ASAP1: variants seen among roughly 807,000 people sequenced by gnomAD.
ASAP1 encodes the protein ArfGAP with SH3 domain, ankyrin repeat and PH domain 1, also known as arf-GAP with SH3 domain, ANK repeat and PH domain-containing protein 1.
In ASAP1, 43 loss-of-function variants were observed where a neutral mutation model predicts 145.2. That is an observed-to-expected ratio of 0.30 (90% CI 0.23 to 0.38). The LOEUF (loss-of-function observed/expected upper bound fraction) is 0.38, where lower values mean the gene tolerates loss of function less well. Ranked by LOEUF, ASAP1 falls within the 10% of genes least tolerant of loss-of-function variation. The pLI is 1.00. For synonymous variants in ASAP1, 546 were observed against 515.5 expected, an observed-to-expected ratio of 1.06 and a Z score of -0.80; for missense variants, 1,018 against 1,355.3, an observed-to-expected ratio of 0.75 and a Z score of 3.91.
chr8:130,099,345 AT>A (rs557493667), intron 24 of ASAP1, among the ~76,000 whole-genome samples: 1 of 151,250 alleles, frequency 6.6e-6, no homozygotes, highest in Non-Finnish European at 1.5e-5. Flanking sequence ...CGCCTGGCTA[AT>A]TTTTTTTGTA....
chr8:130,361,847 C>T (rs751628958), intron 2 of ASAP1: 13 of 1,020,396 alleles, frequency 1.3e-5, no homozygotes, highest in Non-Finnish European at 1.8e-5. Flanking sequence ...CCGAAATATA[C>T]ACCATCCTCC....
intron 5 of ASAP1, among the ~76,000 whole-genome samples, chr8:130,196,080 G>T (rs1815465629): frequency 6.6e-6 from 1 of 152,172 alleles, no homozygotes; most frequent in Admixed American, 6.5e-5. Context: ...AGTGGCTCAC[G>T]CCTGTAATCC....
At chr8:130,302,413 G>A (rs764811929) in intron 3 of ASAP1, among the ~76,000 whole-genome samples, 36 of 152,292 alleles carry the variant, frequency 2.4e-4, no homozygotes, top group Non-Finnish European at 4.0e-4. Context: ...AGAAAGAGAT[G>A]AGAGAGAAAT....
intron 3 of ASAP1, among the ~76,000 whole-genome samples, chr8:130,247,559 G>T (rs536390633): frequency 2.0e-5 from 3 of 152,154 alleles, no homozygotes; most frequent in African/African-American, 7.2e-5. Context: ...TCAGTCATCA[G>T]GCCACTAGAC....
chr8:130,377,559 T>C (rs1827562815), intron 2 of ASAP1, among the ~76,000 whole-genome samples: 1 of 152,138 alleles, frequency 6.6e-6, no homozygotes, highest in East Asian at 1.9e-4. Flanking sequence ...GGGCCCCAGC[T>C]CTCAAGGAGC....
In ASAP1 at chr8:130,183,657, G is replaced by C. The variant is rs556423623; in HGVS notation, c.531-2777C>G. The stretch of plus-strand genomic sequence containing the variant: ...GTGCCTGAAAATTATTATAAAATCA[G>C]TATTTTATACTGATTTACCACTTTT... On this transcript the variant is annotated intron_variant, in intron 7 of 29. Coordinates refer to ENST00000518721, the MANE Select transcript of ASAP1 (RefSeq NM_018482.4). 5.9e-5 allele frequency among the ~76,000 whole-genome samples: 9 copies of C among 152,192 alleles called. No individual in the cohort carries two copies. In the South Asian group the frequency reaches 1.9e-3, roughly 32 times the overall value.
intron 15 of ASAP1, among the ~76,000 whole-genome samples, chr8:130,130,296 G>T (rs1282301870): frequency 6.6e-6 from 1 of 152,178 alleles, no homozygotes; most frequent in Middle Eastern, 3.2e-3. Flanking sequence ...GTTCTAGGCT[G>T]GATTCTGTCA....
chr8:130,131,603 G>GAAAA (rs1159191172), intron 15 of ASAP1, among the ~76,000 whole-genome samples: 22 of 63,088 alleles, frequency 3.5e-4, no homozygotes, highest in African/African-American at 6.5e-4. Context: ...CATGGCTACT[G>GAAAA]AAAAAAAAAA....
chr8:130,398,292 C>A (rs1157536548), intron 2 of ASAP1, among the ~76,000 whole-genome samples: 2 of 152,198 alleles, frequency 1.3e-5, no homozygotes, highest in Admixed American at 1.3e-4. Context: ...CCTACCCACC[C>A]AAGGGTAGAC....
chr8:130,386,439 G>A (rs1828019940), intron 2 of ASAP1, among the ~76,000 whole-genome samples: 1 of 152,182 alleles, frequency 6.6e-6, no homozygotes, highest in African/African-American at 2.4e-5. Context: ...CCCACACCCT[G>A]TCCTGATGAA....
intron 3 of ASAP1, among the ~76,000 whole-genome samples, chr8:130,253,823 C>T (rs779633702): frequency 3.9e-5 from 6 of 152,144 alleles, no homozygotes; most frequent in South Asian, 2.1e-4. Context: ...ATGACAATGA[C>T]GAGCCTGGCC....
At chr8:130,080,016 A>AAATGC in intron 25 of ASAP1, 45 bp from the exon 26 acceptor site, 1 of 1,538,132 alleles carries the variant, frequency 6.5e-7, no homozygotes, top group African/African-American at 1.4e-5. Context: ...TTAGATGGGG[A>AAATGC]AATGCAATGA....
At chr8:130,177,670 A>G (rs535904355) in intron 9 of ASAP1, among the ~76,000 whole-genome samples, 1 of 152,330 alleles carries the variant, frequency 6.6e-6, no homozygotes, top group African/African-American at 2.4e-5. Flanking sequence ...TTTTTGAAAG[A>G]CACTTATATA....
chr8:130,205,051 G>A (rs1404874866), intron 5 of ASAP1, among the ~76,000 whole-genome samples: 1 of 152,192 alleles, frequency 6.6e-6, no homozygotes, highest in African/African-American at 2.4e-5. Flanking sequence ...TTAGCAAAAT[G>A]TTAGAGACAG....
chr8:130,275,387 GCAGCAGCACT>G (rs973374984), intron 3 of ASAP1, among the ~76,000 whole-genome samples: 2 of 152,186 alleles, frequency 1.3e-5, no homozygotes, highest in Non-Finnish European at 2.9e-5. Flanking sequence ...ATGGCTTTGG[GCAGCAGCACT>G]TACGTACTTT....
intron 11 of ASAP1, among the ~76,000 whole-genome samples, chr8:130,165,500 C>A (rs2097678219): frequency 6.6e-6 from 1 of 152,124 alleles, no homozygotes. Flanking sequence ...TAATAAGCAC[C>A]TTCAAAGGGC....
At chr8:130,391,272 G>A (rs140021026) in intron 2 of ASAP1, among the ~76,000 whole-genome samples, 30 of 152,320 alleles carry the variant, frequency 2.0e-4, no homozygotes, top group Non-Finnish European at 4.0e-4. Context: ...CCAGGGATGG[G>A]AAGGGAGAGG....
chr8:130,100,009 T>C (rs2097525866), intron 24 of ASAP1, among the ~76,000 whole-genome samples: 1 of 152,198 alleles, frequency 6.6e-6, no homozygotes, highest in Non-Finnish European at 1.5e-5. Context: ...ACTGATTTCC[T>C]TTGCACTGGA....
chr8:130,316,294 C>T (rs762942853), intron 3 of ASAP1, among the ~76,000 whole-genome samples: 25 of 152,204 alleles, frequency 1.6e-4, no homozygotes, highest in Non-Finnish European at 3.2e-4. Flanking sequence ...ACATCACTCT[C>T]AGCAGTTTTG....
Sources: gnomAD v4.1 joint callset for allele counts (sites outside exome capture counted in the v4.1 genomes callset) on GRCh38, gnomAD v4.1.1 for gene constraint, MANE v1.5 for transcripts, NCBI Gene and HGNC (gene_info 2026-07-23, HGNC 2026-07-21) for gene names.